DCHS2: variants seen among roughly 807,000 people sequenced by gnomAD.
The protein encoded by DCHS2 is protocadherin-23.
Under a neutral mutation model 182.4 loss-of-function variants are expected in DCHS2, and 142 were observed. The ratio of observed to expected loss-of-function variants is 0.78; its 90% CI spans 0.68 to 0.89. The LOEUF is 0.89. DCHS2 is among the 40% of genes least tolerant of loss of function. The probability of loss-of-function intolerance (pLI) is 0.00; values close to 1 mark genes in which losing one functional copy is unlikely to be tolerated. For synonymous variants in DCHS2, 1,740 were observed against 1,663.3 expected (o/e 1.05, Z -1.12); for missense variants, 4,319 against 4,198.6 (o/e 1.03, Z -0.79).
intron 3 of DCHS2, among the ~76,000 whole-genome samples, chr4:154,344,280 T>C (rs1369902311): frequency 6.6e-6 from 1 of 152,182 alleles, no homozygotes; most frequent in Non-Finnish European, 1.5e-5. Flanking sequence ...AGTGTCCCCA[T>C]AACACTAATA....
intron 1 of DCHS2, among the ~76,000 whole-genome samples, chr4:154,469,523 A>G (rs1389914862): frequency 6.6e-6 from 1 of 152,212 alleles, no homozygotes; most frequent in South Asian, 2.1e-4. Context: ...TCTTCTTAAT[A>G]TGTACTTGTA....
chr4:154,421,833 T>C (rs946341824), intron 1 of DCHS2, among the ~76,000 whole-genome samples: 1 of 152,252 alleles, frequency 6.6e-6, no homozygotes, highest in African/African-American at 2.4e-5. Flanking sequence ...ATATGCTCTC[T>C]TTCTATTTTC....
chr4:154,442,528 C>G (rs2110958736), intron 1 of DCHS2, among the ~76,000 whole-genome samples: 1 of 38,368 alleles, frequency 2.6e-5, no homozygotes, highest in Non-Finnish European at 5.0e-5. Flanking sequence ...GAAAAGTGGA[C>G]ACCCCCCCCC....
At chr4:154,317,933 ATTATTTCCAATAT>A (rs1735920536) in intron 9 of DCHS2, among the ~76,000 whole-genome samples, 1 of 152,168 alleles carries the variant, frequency 6.6e-6, no homozygotes, top group African/African-American at 2.4e-5. Flanking sequence ...AAAAATATAT[ATTATTTCCAATAT>A]TTACGAATAC....
In DCHS2 at chr4:154,253,623, A is replaced by G. The variant is rs138418144; in HGVS notation, c.6941+1896T>C. 3.1e-3 allele frequency among the ~76,000 whole-genome samples: 465 copies of G among 152,342 alleles called. 5 individuals carry two copies. Among genetic ancestry groups the G allele is most frequent in the African/African-American group, 0.01 (433 of 41,594 alleles). ...AATGTAGCAGGGAATAGGTTTTAAT[A>G]TATCTAAACAATAAGTACCAATAGC... On this transcript the variant is annotated intron_variant, in intron 16 of 19. Transcript: ENST00000357232.
chr4:154,431,372 G>A (rs963416815), intron 1 of DCHS2, among the ~76,000 whole-genome samples: 1 of 151,972 alleles, frequency 6.6e-6, no homozygotes, highest in African/African-American at 2.4e-5. Context: ...GGTAGTACTG[G>A]TTCAACATAC....
chr4:154,236,905 T>C lies in DCHS2; in HGVS notation c.7747A>G (p.Thr2583Ala), dbSNP rs1411320372. The change falls in exon 20 of 20, where the codon ACA becomes GCA. Residue 2583 changes from threonine to alanine, a missense_variant. By Grantham distance (58) the Thr-to-Ala change is moderately conservative. Coordinates refer to ENST00000357232, the MANE Select transcript of DCHS2 (RefSeq NM_001358235.2). ...CTGATGATGGAATATTCAACATATG[T>C]GTTTTCACGGGTCCAGTCATGGTCG... Reference protein sequence around the residue: ...NIDHDWTRENTYVEYSIISGN... With the variant: ...NIDHDWTRENAYVEYSIISGN... The C allele has an allele frequency of 6.2e-7, 1 of 1,614,120 alleles. No homozygotes were observed. Among genetic ancestry groups the C allele is most frequent in the Admixed American group, 1.7e-5 (1 of 60,014 alleles).
At chr4:154,467,780 G>T (rs1222243962) in intron 1 of DCHS2, among the ~76,000 whole-genome samples, 1 of 152,082 alleles carries the variant, frequency 6.6e-6, no homozygotes, top group Non-Finnish European at 1.5e-5. Context: ...CATAAAATAG[G>T]TGTATTTTTA....
chr4:154,239,080 AC>A, intron 19 of DCHS2, 89 bp downstream of exon 19: 1 of 1,490,406 alleles, frequency 6.7e-7, no homozygotes, highest in Non-Finnish European at 8.9e-7. Context: ...GAGGTGGGGA[AC>A]TTTTATAGAG....
chr4:154,394,771 C>T (rs1480098043), intron 1 of DCHS2, among the ~76,000 whole-genome samples: 1 of 152,130 alleles, frequency 6.6e-6, no homozygotes, highest in Non-Finnish European at 1.5e-5. Context: ...GAAAGGACAA[C>T]ATATTTACCT....
At chr4:154,279,975 T>A (rs1734052523) in intron 13 of DCHS2, among the ~76,000 whole-genome samples, 1 of 151,642 alleles carries the variant, frequency 6.6e-6, no homozygotes, top group African/African-American at 2.4e-5. Flanking sequence ...AAGCCTTAGC[T>A]AGACTAATGA....
rs1728488110 is a variant in DCHS2 at position 154,484,083 on chromosome 4, A to G, written c.2052+5221T>C. The stretch of plus-strand genomic sequence containing the variant: ...AAAACTCTCACCTCCAGCTTTTCCT[A>G]TTCTTCCCACTAATCCAGATGGAAA... On this transcript the variant is annotated intron_variant, in intron 1 of 19. Transcript: ENST00000357232. Among the ~76,000 whole-genome samples the G allele has an allele frequency of 4.6e-5, 7 of 152,134 alleles. No homozygotes were observed. In the South Asian group the frequency reaches 1.4e-3, roughly 31 times the overall value.
chr4:154,289,018 T>G (rs1734533981), intron 13 of DCHS2, among the ~76,000 whole-genome samples: 1 of 151,588 alleles, frequency 6.6e-6, no homozygotes, highest in Non-Finnish European at 1.5e-5. Flanking sequence ...CTTAAAGAAT[T>G]AAAAAAGCAA....
chr4:154,333,065 T>C lies in DCHS2; in HGVS notation c.3143A>G (p.Glu1048Gly). The C allele has an allele frequency of 1.2e-6, 2 of 1,613,928 alleles. No homozygotes were observed. Among genetic ancestry groups the C allele is most frequent in the South Asian group, 1.1e-5 (1 of 91,074 alleles). Residue 1048 changes from glutamate to glycine, a missense_variant, in exon 5 of 20, where the codon GAG becomes GGG. Glu to Gly is a moderately conservative substitution (Grantham distance 98). Transcript: ENST00000357232. ...NGSLGAGEQRELTLTLRAEDQ... is the reference protein window; with the variant it reads ...NGSLGAGEQRGLTLTLRAEDQ... ...CTCGGCCCTGAGAGTCAGCGTGAGCTCCCGCTGCTCGCCCGCGCCCAGGCT... is the reference window on the plus strand; with the variant it reads ...CTCGGCCCTGAGAGTCAGCGTGAGCCCCCGCTGCTCGCCCGCGCCCAGGCT...
At position 154,235,774 on chromosome 4, in the gene DCHS2, C is replaced by A; in HGVS notation, c.8878G>T (p.Ala2960Ser). The change falls in exon 20 of 20, where the codon GCT becomes TCT. Residue 2960 changes from alanine to serine, a missense_variant. By Grantham distance (99) the Ala-to-Ser change is moderately conservative. Coordinates refer to ENST00000357232, the MANE Select transcript of DCHS2 (RefSeq NM_001358235.2). The stretch of plus-strand genomic sequence containing the variant: ...TTGGAATCTGATTTGGGACTATGAG[C>A]GATTATTTTCATTTCCAAGGTGTCT... The part of the protein sequence containing the change: ...KEDTLEMKII[A>S]HSPKSDSKFA... 6.2e-7 allele frequency: 1 copy of A among 1,613,764 alleles called. No homozygotes were observed. Among genetic ancestry groups the A allele is most frequent in the Non-Finnish European group, 8.5e-7 (1 of 1,179,852 alleles).
chr4:154,474,517 A>T (rs1735607374), intron 1 of DCHS2, among the ~76,000 whole-genome samples: 1 of 152,182 alleles, frequency 6.6e-6, no homozygotes, highest in Non-Finnish European at 1.5e-5. Context: ...GGAGAGACTG[A>T]GGTCTTGCTG....
rs528894727 is a variant in DCHS2 at position 154,363,552 on chromosome 4, G to A, written c.2476+2658C>T. 7.2e-5 allele frequency among the ~76,000 whole-genome samples: 11 copies of A among 152,274 alleles called. 1 individual carries two copies. The South Asian group carries it at 1.2e-3, about 17-fold the overall frequency. ...CAGAGAGTAGAATGGTGGTTGCCAA[G>A]GGCTGGGGTAATTGGAGATGTTGCC... On this transcript the variant is annotated intron_variant, in intron 3 of 19. Coordinates refer to ENST00000357232, the MANE Select transcript of DCHS2 (RefSeq NM_001358235.2).
chr4:154,267,396 A>G (rs1733331330), intron 14 of DCHS2, among the ~76,000 whole-genome samples: 1 of 152,184 alleles, frequency 6.6e-6, no homozygotes, highest in Non-Finnish European at 1.5e-5. Flanking sequence ...TAATATTAAC[A>G]GAACTTTGAA....
chr4:154,418,625 G>T (rs1560746855), intron 1 of DCHS2, among the ~76,000 whole-genome samples: 2 of 152,120 alleles, frequency 1.3e-5, no homozygotes, highest in Non-Finnish European at 2.9e-5. Flanking sequence ...TTAGATCCAT[G>T]CACTCTTTTT....
Sources: gnomAD v4.1 joint callset for allele counts (sites outside exome capture counted in the v4.1 genomes callset) on GRCh38, gnomAD v4.1.1 for gene constraint, MANE v1.5 for transcripts, NCBI Gene and HGNC (gene_info 2026-07-23, HGNC 2026-07-21) for gene names.